Variants in CD27 observed in about 807,000 individuals in gnomAD.
The protein encoded by CD27 is CD27 antigen.
Under a neutral mutation model 25.9 loss-of-function variants are expected in CD27, and 16 were observed. That is an observed-to-expected ratio of 0.62 (90% confidence interval 0.42 to 0.94). The LOEUF is 0.94. Among genes scored for constraint, CD27 ranks in the 40% least tolerant of loss-of-function variants. The probability of loss-of-function intolerance (pLI) is 0.00; values close to 1 mark genes in which losing one functional copy is unlikely to be tolerated. For missense variants in CD27, 300 were observed against 333.2 expected (o/e 0.90, Z 0.78); for synonymous variants, 142 against 124.3 (o/e 1.14, Z -0.95).
At position 6,444,981 on chromosome 12, in the gene CD27, G is replaced by A; in HGVS notation, c.-115G>A. On this transcript the variant is annotated 5_prime_UTR_variant, in exon 1 of 6. Coordinates refer to ENST00000266557, the MANE Select transcript of CD27 (RefSeq NM_001242.5). ...TTCAAAGGTTGGCTTGCCACCTGAAGCAGCCACTGCCCAGGGGGTGCAAAG... is the reference window on the plus strand; with the variant it reads ...TTCAAAGGTTGGCTTGCCACCTGAAACAGCCACTGCCCAGGGGGTGCAAAG... 8.2e-7 allele frequency: 1 copy of A among 1,213,170 alleles called. No individual in the cohort carries two copies. The highest frequency in any genetic ancestry group is 1.6e-5 in the South Asian group (1 of 60,684). The allele number at this position is 1,213,170 out of a possible 1,614,324, so 75.2% of individuals were successfully genotyped here.
rs1033708481 is a variant in CD27 at position 6,451,029 on chromosome 12, A to T, written c.658+15A>T. On this transcript the variant is annotated intron_variant, in intron 5 of 5. Transcript: ENST00000266557. Reference sequence around the variant, plus strand: ...ATATAGATCAAGTAAGAGACAGAACACAGGCCTCCGGTCCTGCCCCTGCAC... The same window carrying T: ...ATATAGATCAAGTAAGAGACAGAACTCAGGCCTCCGGTCCTGCCCCTGCAC... 7 of 1,613,776 alleles carry T rather than the reference A, an allele frequency of 4.3e-6. No homozygotes were observed. The highest frequency in any genetic ancestry group is 1.3e-5 in the African/African-American group (1 of 74,868).
In CD27 at chr12:6,450,059, G is replaced by A. The variant is rs1242633022; in HGVS notation, c.269-114G>A. On this transcript the variant is annotated intron_variant, in intron 2 of 5. Coordinates refer to ENST00000266557, the MANE Select transcript of CD27 (RefSeq NM_001242.5). This position sits in a 1 kb window ranked among gnomAD's most constrained non-coding sequence, Gnocchi z 4.1. Reference sequence around the variant, plus strand: ...CTTTGCAGGGGTGGGAATGGAAAGGGAAGCACGTCCCTAGAGGTGGGCCTG... The same window carrying A: ...CTTTGCAGGGGTGGGAATGGAAAGGAAAGCACGTCCCTAGAGGTGGGCCTG... The A allele has an allele frequency of 1.1e-6, 1 of 871,958 alleles. No homozygotes were observed. The highest frequency in any genetic ancestry group is 1.8e-6 in the Non-Finnish European group (1 of 569,400). 54.0% of individuals were successfully genotyped at this position (871,958 alleles called of 1,614,324 possible).
In CD27 at chr12:6,450,497, T is replaced by C. The variant is rs1364715060; in HGVS notation, c.449-44T>C. On this transcript the variant is annotated intron_variant, in intron 3 of 5. Transcript: ENST00000266557. The surrounding 1 kb of genome is among the most constrained non-coding windows in gnomAD (Gnocchi z 4.1). ...ACCTCTCAGGCCTTCAGATGTGCCC[T>C]ATGGGGTCCCCTGCTGCTACTCATT... The C allele has an allele frequency of 1.9e-6, 3 of 1,591,064 alleles. No individual in the cohort carries two copies. The highest frequency in any genetic ancestry group is 2.6e-6 in the Non-Finnish European group (3 of 1,161,264).
In CD27 at chr12:6,450,307, G is replaced by A. The variant is rs1949504243; in HGVS notation, c.403G>A (p.Ala135Thr). ...NPSLTARSSQ[A>T]LSPHPQPTHL... is the part of the protein sequence containing the mutation. ...TTCGCTGACCGCTCGGTCGTCTCAG[G>A]CCCTGAGCCCACACCCTCAGCCCAC... Residue 135 changes from alanine (A) to threonine (T), a missense_variant, in exon 3 of 6, where the codon GCC becomes ACC. Ala to Thr is a moderately conservative substitution (Grantham distance 58). Coordinates refer to ENST00000266557, the MANE Select transcript of CD27 (RefSeq NM_001242.5). The surrounding 1 kb of genome is among the most constrained non-coding windows in gnomAD (Gnocchi z 4.1). 6.2e-7 allele frequency: 1 copy of A among 1,613,324 alleles called. No individual in the cohort carries two copies. Among genetic ancestry groups the A allele is most frequent in the African/African-American group, 1.3e-5 (1 of 74,906 alleles).
Position 6,445,132 on chromosome 12 carries a change from G to A in CD27, c.37G>A (p.Gly13Arg), listed in dbSNP as rs146726863. Residue 13 changes from glycine (G) to arginine (R), a missense_variant, in exon 1 of 6, where the codon GGG becomes AGG. Physicochemically the swap from Gly to Arg is moderately radical, Grantham distance 125. Transcript: ENST00000266557. This position sits in a 1 kb window ranked among gnomAD's most constrained non-coding sequence, Gnocchi z 4.5. Reference protein sequence around the residue: ...RPHPWWLCVLGTLVGLSATPA... With the variant: ...RPHPWWLCVLRTLVGLSATPA... ...ACATCCCTGGTGGCTGTGCGTTCTG[G>A]GGACCCTGGTGGGGCTCTCAGCTAC... The A allele has an allele frequency of 7.2e-5, 115 of 1,607,394 alleles. 2 individuals carry two copies. In the South Asian group the frequency reaches 1.1e-3, roughly 15 times the overall value.
In CD27 at chr12:6,450,828, A is replaced by G; in HGVS notation, c.539-67A>G. 6.2e-7 allele frequency: 1 copy of G among 1,602,158 alleles called. No individual in the cohort carries two copies. The highest frequency in any genetic ancestry group is 8.5e-7 in the Non-Finnish European group (1 of 1,171,412). ...GAAAGGGGAGAGGCAAGGTGACAGG[A>G]GGGCTGGGCTGAGGGAGCCAAGGGC... is the stretch of plus-strand genomic sequence containing the variant. On this transcript the variant is annotated intron_variant, in intron 4 of 5. Coordinates refer to ENST00000266557, the MANE Select transcript of CD27 (RefSeq NM_001242.5). The surrounding 1 kb of genome is among the most constrained non-coding windows in gnomAD (Gnocchi z 4.1).
chr12:6,449,779 G>C (rs1949486240), intron 2 of CD27, among the ~76,000 whole-genome samples: 1 of 151,984 alleles, frequency 6.6e-6, no homozygotes, highest in African/African-American at 2.4e-5. Context: ...GAACCCGGGA[G>C]GCAGAGGTTG....
At chr12:6,449,776 G>C (rs1164633165) in intron 2 of CD27, among the ~76,000 whole-genome samples, 2 of 151,944 alleles carry the variant, frequency 1.3e-5, no homozygotes, top group Non-Finnish European at 2.9e-5. Context: ...CTTGAACCCG[G>C]GAGGCAGAGG....
rs1949549085 is a variant in CD27 at position 6,451,572 on chromosome 12, T to C, written c.*180T>C. On this transcript the variant is annotated 3_prime_UTR_variant, in exon 6 of 6. Transcript: ENST00000266557. The stretch of plus-strand genomic sequence containing the variant: ...TGGCAGGGACGAGGACAAATATGGA[T>C]GAGGTGGAGAGTGGGAAGCAGGAGC... 1.6e-6 allele frequency: 1 copy of C among 633,846 alleles called. No homozygotes were observed. The highest frequency in any genetic ancestry group is 2.6e-6 in the Non-Finnish European group (1 of 380,606). 39.3% of individuals were successfully genotyped at this position (633,846 alleles called of 1,614,324 possible).
rs137996763 is a variant in CD27 at position 6,445,540 on chromosome 12, C to T, written c.253C>T (p.Arg85Trp). ...HHTRPHCESC[R>W]HCNSGLLVRN... ...CACCCGGCCCCACTGTGAGAGCTGTCGGCACTGTAACTCTGGTGAGGTGGG... is the reference window on the plus strand; with the variant it reads ...CACCCGGCCCCACTGTGAGAGCTGTTGGCACTGTAACTCTGGTGAGGTGGG... The change falls in exon 2 of 6, where the codon CGG becomes TGG. Residue 85 changes from arginine to tryptophan, a missense_variant. Coordinates refer to ENST00000266557, the MANE Select transcript of CD27 (RefSeq NM_001242.5). The surrounding 1 kb of genome is among the most constrained non-coding windows in gnomAD (Gnocchi z 4.5). The T allele has an allele frequency of 9.3e-6, 15 of 1,613,524 alleles. No homozygotes were observed. The highest frequency in any genetic ancestry group is 2.2e-5 in the East Asian group (1 of 44,890).
rs1010024664 is a variant in CD27, at chr12:6,449,825, C to T, written c.269-348C>T. Among the ~76,000 whole-genome samples, 8 of 151,756 alleles carry T rather than the reference C, an allele frequency of 5.3e-5. No homozygotes were observed. The East Asian group carries it at 5.8e-4, about 11-fold the overall frequency. ...AGGTCACGCCATTGCACTCCAGCCT[C>T]GGCAACAAGAGCGAGACTCCATCTC... On this transcript the variant is annotated intron_variant, in intron 2 of 5. Transcript: ENST00000266557.
upstream of CD27, among the ~76,000 whole-genome samples, chr12:6,444,495 G>GTC (rs923180790): frequency 2.0e-5 from 3 of 152,066 alleles, no homozygotes. Flanking sequence ...GAAAAATTCT[G>GTC]AATTCCAAAA....
Position 6,444,986 on chromosome 12 carries a change from C to A in CD27, c.-110C>A, listed in dbSNP as rs1337331522. On this transcript the variant is annotated 5_prime_UTR_variant, in exon 1 of 6. Coordinates refer to ENST00000266557, the MANE Select transcript of CD27 (RefSeq NM_001242.5). Reference sequence around the variant, plus strand: ...AGGTTGGCTTGCCACCTGAAGCAGCCACTGCCCAGGGGGTGCAAAGAAGAG... The same window carrying A: ...AGGTTGGCTTGCCACCTGAAGCAGCAACTGCCCAGGGGGTGCAAAGAAGAG... 2.4e-6 allele frequency: 3 copies of A among 1,260,400 alleles called. No homozygotes were observed. Among genetic ancestry groups the A allele is most frequent in the Middle Eastern group, 5.6e-4 (2 of 3,556 alleles). 78.1% of individuals were successfully genotyped at this position (1,260,400 alleles called of 1,614,324 possible).
At chr12:6,446,542 G>A (rs1949418949) in intron 2 of CD27, among the ~76,000 whole-genome samples, 2 of 152,216 alleles carry the variant, frequency 1.3e-5, no homozygotes. Flanking sequence ...GGAGGCCAAG[G>A]CAGAAGGGTA....
rs868070072 is a variant in CD27, at chr12:6,445,495, T to C, written c.208T>C (p.Ser70Pro). 6.8e-6 allele frequency: 11 copies of C among 1,613,952 alleles called. No individual in the cohort carries two copies. The Admixed American group carries it at 1.5e-4, about 22-fold the overall frequency. The change falls in exon 2 of 6, where the codon TCC becomes CCC. Residue 70 changes from serine to proline, a missense_variant. Ser to Pro is a moderately conservative substitution (Grantham distance 74). Transcript: ENST00000266557. The surrounding 1 kb of genome is among the most constrained non-coding windows in gnomAD (Gnocchi z 4.5). Reference protein sequence around the residue: ...AQCDPCIPGVSFSPDHHTRPH... With the variant: ...AQCDPCIPGVPFSPDHHTRPH... ...GTGTGATCCTTGCATACCGGGGGTC[T>C]CCTTCTCTCCTGACCACCACACCCG...
In CD27 at chr12:6,445,521, G is replaced by GC. The variant is rs1466665558; in HGVS notation, c.238dup (p.His80ProfsTer3). The GC allele has an allele frequency of 6.2e-7, 1 of 1,613,890 alleles. No individual in the cohort carries two copies. The highest frequency in any genetic ancestry group is 1.1e-5 in the South Asian group (1 of 91,082). On this transcript the variant is annotated frameshift_variant, in exon 2 of 6. Transcript: ENST00000266557. LOFTEE classifies it high-confidence loss of function. The surrounding 1 kb of genome is among the most constrained non-coding windows in gnomAD (Gnocchi z 4.5). ...CCTTCTCTCCTGACCACCACACCCG[G>GC]CCCCACTGTGAGAGCTGTCGGCACT...
rs1476877764 is a variant in CD27, at chr12:6,450,788, T to C, written c.539-107T>C. The C allele has an allele frequency of 5.3e-6, 8 of 1,521,712 alleles. No individual in the cohort carries two copies. The highest frequency in any genetic ancestry group is 1.8e-6 in the Non-Finnish European group (2 of 1,108,408). 94.3% of individuals were successfully genotyped at this position (1,521,712 alleles called of 1,614,324 possible). On this transcript the variant is annotated intron_variant, in intron 4 of 5. Coordinates refer to ENST00000266557, the MANE Select transcript of CD27 (RefSeq NM_001242.5). This position sits in a 1 kb window ranked among gnomAD's most constrained non-coding sequence, Gnocchi z 4.1. Reference sequence around the variant, plus strand: ...AGTTGGCCAACGGTGGCGGGTGGGATAGAATAAGGTGGGGGAAAGGGGAGA... The same window carrying C: ...AGTTGGCCAACGGTGGCGGGTGGGACAGAATAAGGTGGGGGAAAGGGGAGA...
Position 6,445,022 on chromosome 12 carries a change from C to T in CD27, c.-74C>T. The T allele has an allele frequency of 6.8e-7, 1 of 1,472,758 alleles. No homozygotes were observed. The highest frequency in any genetic ancestry group is 1.3e-5 in the South Asian group (1 of 75,646). The allele number at this position is 1,472,758 out of a possible 1,614,324, so 91.2% of individuals were successfully genotyped here. A position where few individuals can be genotyped will look rare whatever the true frequency, so the allele number is the denominator to read the frequency against. Reference sequence around the variant, plus strand: ...GGGTGCAAAGAAGAGACAGCAGCGCCCAGCTTGGAGGTGCTAACTCCAGAG... The same window carrying T: ...GGGTGCAAAGAAGAGACAGCAGCGCTCAGCTTGGAGGTGCTAACTCCAGAG... On this transcript the variant is annotated 5_prime_UTR_variant, in exon 1 of 6. Coordinates refer to ENST00000266557, the MANE Select transcript of CD27 (RefSeq NM_001242.5). This position sits in a 1 kb window ranked among gnomAD's most constrained non-coding sequence, Gnocchi z 4.5.
rs1244793354 is a variant in CD27, at chr12:6,450,140, T to C, written c.269-33T>C. 3 of 1,591,964 alleles carry C rather than the reference T, an allele frequency of 1.9e-6. No homozygotes were observed. Among genetic ancestry groups the C allele is most frequent in the South Asian group, 2.2e-5 (2 of 89,150 alleles). On this transcript the variant is annotated intron_variant, in intron 2 of 5. Coordinates refer to ENST00000266557, the MANE Select transcript of CD27 (RefSeq NM_001242.5). The surrounding 1 kb of genome is among the most constrained non-coding windows in gnomAD (Gnocchi z 4.1). ...CCTTGAAGGTCTCCACAGGTCTGAG[T>C]GTCCTATGCTCCCTGGGCCTCTCTT...
Sources: gnomAD v4.1 joint callset for allele counts (sites outside exome capture counted in the v4.1 genomes callset) on GRCh38, gnomAD v4.1.1 for gene constraint, Gnocchi (gnomAD v3.1) non-coding constraint, MANE v1.5 for transcripts, NCBI Gene and HGNC (gene_info 2026-07-23, HGNC 2026-07-21) for gene names.